The following SPAG16 variants were observed in gnomAD, a reference collection of about 807,000 sequenced individuals.
SPAG16 encodes the protein sperm associated antigen 16.
A neutral mutation model predicts 80.4 loss-of-function variants in SPAG16; 86 were observed. The observed-to-expected ratio is 1.07, with a 90% confidence interval of 0.90 to 1.28. The LOEUF (loss-of-function observed/expected upper bound fraction) is 1.28. SPAG16 is among the 50% of genes most tolerant of loss of function. The pLI, the probability that SPAG16 is intolerant of heterozygous loss-of-function variation, is 0.00. For synonymous variants in SPAG16, 294 were observed against 265.9 expected, an observed-to-expected ratio of 1.11 and a Z score of -1.03; for missense variants, 870 against 765.3, an observed-to-expected ratio of 1.14 and a Z score of -1.61.
chr2:213,980,731 G>T (rs202164647), intron 12 of SPAG16, among the ~76,000 whole-genome samples: 20,285 of 91,724 alleles, frequency 0.22, 2,217 homozygotes, highest in Non-Finnish European at 0.27. Context: ...TATATAGAGA[G>T]AGAGAGAGAG....
intron 9 of SPAG16, among the ~76,000 whole-genome samples, chr2:213,429,097 A>T (rs2125472275): frequency 6.6e-6 from 1 of 152,016 alleles, no homozygotes; most frequent in African/African-American, 2.4e-5. Context: ...ATCTCAAAAA[A>T]AAAAAAAAAG....
At chr2:213,678,022 G>A (rs569973520) in intron 10 of SPAG16, among the ~76,000 whole-genome samples, 7 of 151,806 alleles carry the variant, frequency 4.6e-5, no homozygotes, top group Middle Eastern at 3.4e-3. Context: ...ATGACTACTG[G>A]GTACATAACG....
intron 9 of SPAG16, among the ~76,000 whole-genome samples, chr2:213,473,407 C>T (rs898305810): frequency 1.3e-5 from 2 of 152,186 alleles, no homozygotes; most frequent in Non-Finnish European, 2.9e-5. Flanking sequence ...TTACAGGGCT[C>T]TTCAAAGATG....
At chr2:214,037,116 AT>A (rs2048738241) in intron 13 of SPAG16, among the ~76,000 whole-genome samples, 3 of 151,882 alleles carry the variant, frequency 2.0e-5, no homozygotes, top group Middle Eastern at 3.7e-3. Flanking sequence ...AGGCATATTC[AT>A]TTTTATTGAT....
intron 15 of SPAG16, among the ~76,000 whole-genome samples, chr2:214,174,039 A>G (rs1216266903): frequency 6.6e-6 from 1 of 152,100 alleles, no homozygotes; most frequent in Non-Finnish European, 1.5e-5. Context: ...TTCATGCTAA[A>G]AACTCTCAAT....
At chr2:214,154,812 A>T (rs6723977) in intron 15 of SPAG16, among the ~76,000 whole-genome samples, 149,189 of 152,286 alleles carry the variant, frequency 0.98, 73,149 homozygotes, top group East Asian at 1. Flanking sequence ...GACTTCTACT[A>T]CCAGACAAGA....
chr2:213,936,942 A>G lies in SPAG16; in HGVS notation c.1400+6797A>G, dbSNP rs527642591. On this transcript the variant is annotated intron_variant, in intron 12 of 15. Transcript: ENST00000331683. ...ATGACAGAAACAGAAGTCTATTTGT[A>G]AAGAAAACAGATAAATTAAGAAAGA... Among the ~76,000 whole-genome samples the G allele has an allele frequency of 1.2e-4, 19 of 152,312 alleles. No individual in the cohort carries two copies. The East Asian group carries it at 3.7e-3, about 29-fold the overall frequency.
At chr2:214,146,953 G>A (rs2055672889) in intron 14 of SPAG16, among the ~76,000 whole-genome samples, 1 of 150,050 alleles carries the variant, frequency 6.7e-6, no homozygotes, top group Non-Finnish European at 1.5e-5. Flanking sequence ...AGTGAGCCAA[G>A]ATTGTGCCAT....
chr2:213,965,584 G>A lies in SPAG16; in HGVS notation c.1400+35439G>A, dbSNP rs185927845. Among the ~76,000 whole-genome samples the A allele has an allele frequency of 3.3e-5, 5 of 152,242 alleles. No individual in the cohort carries two copies. In the East Asian group the frequency reaches 5.8e-4, roughly 18 times the overall value. ...GACCAGAGGTGTTCTCTTTTTAGCA[G>A]CCTTTTTCCTTGATTCTCTCTGTTA... On this transcript the variant is annotated intron_variant, in intron 12 of 15. Coordinates refer to ENST00000331683, the MANE Select transcript of SPAG16 (RefSeq NM_024532.5).
chr2:213,733,238 A>G (rs952553715), intron 10 of SPAG16, among the ~76,000 whole-genome samples: 2 of 151,118 alleles, frequency 1.3e-5, no homozygotes, highest in African/African-American at 2.4e-5. Flanking sequence ...TTTCTTGTAA[A>G]TTTAAGTTCC....
intron 12 of SPAG16, among the ~76,000 whole-genome samples, chr2:214,000,940 T>C (rs1340139295): frequency 6.6e-6 from 1 of 152,202 alleles, no homozygotes. Flanking sequence ...CCCTTTACTC[T>C]CTAATAGCCA....
chr2:214,105,066 A>T (rs2053310508), intron 13 of SPAG16, among the ~76,000 whole-genome samples: 1 of 152,052 alleles, frequency 6.6e-6, no homozygotes, highest in South Asian at 2.1e-4. Flanking sequence ...GCTTATCCAT[A>T]TCCTACAGGC....
intron 12 of SPAG16, among the ~76,000 whole-genome samples, chr2:213,951,058 T>A (rs546568426): frequency 6.6e-5 from 10 of 151,776 alleles, no homozygotes; most frequent in Non-Finnish European, 1.2e-4. Flanking sequence ...ATAAATTGAT[T>A]AATATTTTTC....
chr2:213,781,186 T>A (rs185741419), intron 10 of SPAG16, among the ~76,000 whole-genome samples: 1 of 152,216 alleles, frequency 6.6e-6, no homozygotes, highest in Admixed American at 6.5e-5. Context: ...TCTTCATAGT[T>A]CCTACCTCCC....
chr2:214,258,969 A>G (rs1469543416), intron 15 of SPAG16, among the ~76,000 whole-genome samples: 1 of 152,006 alleles, frequency 6.6e-6, no homozygotes, highest in African/African-American at 2.4e-5. Flanking sequence ...CTTTAAGCAT[A>G]ATTATCATAG....
At chr2:213,526,529 G>A (rs1297972938) in intron 10 of SPAG16, among the ~76,000 whole-genome samples, 1 of 152,140 alleles carries the variant, frequency 6.6e-6, no homozygotes, top group African/African-American at 2.4e-5. Flanking sequence ...ACCACATGCT[G>A]TCTAGGTTGG....
intron 15 of SPAG16, among the ~76,000 whole-genome samples, chr2:214,357,142 C>A (rs1008668105): frequency 1.3e-5 from 2 of 151,838 alleles, no homozygotes; most frequent in African/African-American, 4.8e-5. Context: ...CCTGTCATTT[C>A]TTTGGCTACT....
At chr2:213,372,229 C>G (rs1349541858) in intron 8 of SPAG16, among the ~76,000 whole-genome samples, 1 of 151,856 alleles carries the variant, frequency 6.6e-6, no homozygotes, top group East Asian at 1.9e-4. Context: ...AATTTCAGTG[C>G]AGTAATGCCT....
intron 15 of SPAG16, among the ~76,000 whole-genome samples, chr2:214,350,800 C>T (rs1698350557): frequency 6.6e-6 from 1 of 152,036 alleles, no homozygotes; most frequent in South Asian, 2.1e-4. Context: ...CTAGCAGGAG[C>T]AAAGGCAATA....
Sources: gnomAD v4.1 joint callset for allele counts (sites outside exome capture counted in the v4.1 genomes callset) on GRCh38, gnomAD v4.1.1 for gene constraint, MANE v1.5 for transcripts, NCBI Gene and HGNC (gene_info 2026-07-23, HGNC 2026-07-21) for gene names.